The following IL17RD variants were observed in gnomAD, a reference collection of about 807,000 sequenced individuals.
IL17RD encodes interleukin 17 receptor D.
A neutral mutation model predicts 80.5 loss-of-function variants in IL17RD; 52 were observed. The observed-to-expected ratio is 0.65, with a 90% confidence interval of 0.52 to 0.81. IL17RD has a LOEUF of 0.81. IL17RD is among the 40% of genes least tolerant of loss of function. The probability of loss-of-function intolerance (pLI) is 0.00; values close to 1 mark genes in which losing one functional copy is unlikely to be tolerated. For missense variants in IL17RD, 1,024 were observed against 955.1 expected, an observed-to-expected ratio of 1.07 and a Z score of -0.95; for synonymous variants, 416 against 391.8, an observed-to-expected ratio of 1.06 and a Z score of -0.73.
In IL17RD at chr3:57,120,279, T is replaced by C. The variant is rs936157876; in HGVS notation, c.161A>G (p.Tyr54Cys). Reference sequence around the variant, plus strand: ...ACTGTCATATTTGAAGGTGATGTTGTACAGCCCACTGTTTCTGCTGGCTGG... The same window carrying C: ...ACTGTCATATTTGAAGGTGATGTTGCACAGCCCACTGTTTCTGCTGGCTGG... Reference protein sequence around the residue: ...VGPASRNSGLYNITFKYDNCT... With the variant: ...VGPASRNSGLCNITFKYDNCT... Residue 54 changes from tyrosine (Y) to cysteine (C), a missense_variant, in exon 2 of 13, where the codon TAC becomes TGC. Transcript: ENST00000296318. 1.2e-6 allele frequency: 2 copies of C among 1,613,562 alleles called. No homozygotes were observed. Among genetic ancestry groups the C allele is most frequent in the East Asian group, 4.5e-5 (2 of 44,898 alleles).
In IL17RD at chr3:57,155,611, G is replaced by T. The variant is rs147481705; in HGVS notation, c.126+9550C>A. ...TTCAGAGGAAATTTTTTTTTTTTGA[G>T]ACGGAGTCTCGCTGTGTTGCCCAGG... On this transcript the variant is annotated intron_variant, in intron 1 of 12. Transcript: ENST00000296318. 4.6e-4 allele frequency among the ~76,000 whole-genome samples: 70 copies of T among 151,678 alleles called. 1 individual carries two copies. The East Asian group carries it at 0.012, about 27-fold the overall frequency.
chr3:57,127,261 T>TA (rs1348148775), intron 1 of IL17RD, among the ~76,000 whole-genome samples: 3,496 of 86,880 alleles, frequency 0.04, 451 homozygotes, highest in East Asian at 0.21. Context: ...TAAATATATA[T>TA]AAATATATAT....
chr3:57,143,638 T>C (rs1056114176), intron 1 of IL17RD, among the ~76,000 whole-genome samples: 11 of 152,184 alleles, frequency 7.2e-5, no homozygotes, highest in African/African-American at 2.7e-4. Context: ...TAAACCACTT[T>C]AATGCAAAGC....
At chr3:57,131,152 C>T (rs1707601107) in intron 1 of IL17RD, among the ~76,000 whole-genome samples, 1 of 149,604 alleles carries the variant, frequency 6.7e-6, no homozygotes, top group South Asian at 2.1e-4. Flanking sequence ...CCTCCTACCT[C>T]AGCTGTTCCT....
chr3:57,124,924 C>G (rs1308632980), intron 1 of IL17RD, among the ~76,000 whole-genome samples: 1 of 152,150 alleles, frequency 6.6e-6, no homozygotes, highest in African/African-American at 2.4e-5. Context: ...GAACATGCAC[C>G]CATCAGAGCT....
rs372338652 is a variant in IL17RD, at chr3:57,118,288, G to A, written c.184+1968C>T. On this transcript the variant is annotated intron_variant, in intron 2 of 12. Coordinates refer to ENST00000296318, the MANE Select transcript of IL17RD (RefSeq NM_017563.5). ...CCAATGTGAGCTCCCTGAGTTGCACGTGTAAGTCCTCACTGGTTAGCCTAA... is the reference window on the plus strand; with the variant it reads ...CCAATGTGAGCTCCCTGAGTTGCACATGTAAGTCCTCACTGGTTAGCCTAA... 9.8e-5 allele frequency among the ~76,000 whole-genome samples: 15 copies of A among 152,308 alleles called. No individual in the cohort carries two copies. The East Asian group carries it at 1.9e-3, about 20-fold the overall frequency.
intron 1 of IL17RD, among the ~76,000 whole-genome samples, chr3:57,148,677 G>A (rs186011441): frequency 5.1e-4 from 77 of 152,318 alleles, no homozygotes; most frequent in Admixed American, 7.8e-4. Flanking sequence ...ACAAGCCAAG[G>A]TAAAGGTCAT....
Position 57,097,813 on chromosome 3 carries a change from G to C in IL17RD, c.1890C>G (p.Asp630Glu). 1 of 1,608,386 alleles carries C rather than the reference G, an allele frequency of 6.2e-7. No homozygotes were observed. Among genetic ancestry groups the C allele is most frequent in the Non-Finnish European group, 8.5e-7 (1 of 1,177,428 alleles). Residue 630 changes from aspartate (D) to glutamate (E), a missense_variant, in exon 12 of 13, where the codon GAC (aspartate) becomes GAG (glutamate). Physicochemically the swap from Asp to Glu is conservative, Grantham distance 45 (BLOSUM62 2). Transcript: ENST00000296318. ...HESQHGGLDQ[D>E]GEARPALDGS... The stretch of plus-strand genomic sequence containing the variant: ...CGTCAAGGGCAGGCCGGGCCTCCCC[G>C]TCTTGGTCCAGGCCCCCATGCTGAC...
chr3:57,127,390 A>AT lies in IL17RD; in HGVS notation c.127-7078_127-7077insA, dbSNP rs1491175110. On this transcript the variant is annotated intron_variant, in intron 1 of 12. Coordinates refer to ENST00000296318, the MANE Select transcript of IL17RD (RefSeq NM_017563.5). ...AATATATATATATAAATAAATAAATAAATAAATATATATATATATATATTT... is the reference window on the plus strand; with the variant it reads ...AATATATATATATAAATAAATAAATATAATAAATATATATATATATATATTT... Among the ~76,000 whole-genome samples, 5 of 96,728 alleles carry AT rather than the reference A, an allele frequency of 5.2e-5. No homozygotes were observed. In the East Asian group the frequency reaches 1.4e-3, roughly 28 times the overall value. 63.5% of individuals were successfully genotyped at this position (96,728 alleles called of 152,430 possible).
At chr3:57,104,054 TAAAATCTTA>T (rs1316079908) in intron 8 of IL17RD, among the ~76,000 whole-genome samples, 2 of 152,226 alleles carry the variant, frequency 1.3e-5, no homozygotes, top group Non-Finnish European at 2.9e-5. Flanking sequence ...AAATTTAAGC[TAAAATCTTA>T]AAAATATATC....
intron 1 of IL17RD, chr3:57,134,524 A>C: frequency 1.5e-6 from 2 of 1,341,234 alleles, no homozygotes; most frequent in Non-Finnish European, 2.1e-6. Context: ...GTGAAGGGGA[A>C]TGTGTTCAAA....
chr3:57,140,926 C>T (rs981615460), intron 1 of IL17RD, among the ~76,000 whole-genome samples: 10 of 151,472 alleles, frequency 6.6e-5, no homozygotes, highest in Admixed American at 2.0e-4. Context: ...CAAGGTCTCA[C>T]TCTGTTGCCC....
Position 57,104,403 on chromosome 3 carries a change from T to A in IL17RD, c.752A>T (p.Gln251Leu). The change falls in exon 8 of 13, where the codon CAA (glutamine) becomes CTA (leucine). Residue 251 changes from glutamine to leucine, a missense_variant. Physicochemically the swap from Gln to Leu is moderately radical, Grantham distance 113. Transcript: ENST00000296318. ...PFKRKTCKQE[Q>L]TTETTSCLLQ... Reference sequence around the variant, plus strand: ...GAGGCAGCTGGTCGTCTCTGTAGTTTGCTCCTGCAACAGACCAAAGAACAC... The same window carrying A: ...GAGGCAGCTGGTCGTCTCTGTAGTTAGCTCCTGCAACAGACCAAAGAACAC... The A allele has an allele frequency of 6.2e-7, 1 of 1,605,500 alleles. No individual in the cohort carries two copies. The highest frequency in any genetic ancestry group is 8.5e-7 in the Non-Finnish European group (1 of 1,173,510).
chr3:57,105,552 A>AAAAAAATATATATATATATATAT, intron 7 of IL17RD, among the ~76,000 whole-genome samples: 1 of 63,590 alleles, frequency 1.6e-5, no homozygotes, highest in African/African-American at 9.3e-5. Context: ...AAAAAAAAAA[A>AAAAAAATATATATATATATATAT]ATATATATAT....
intron 1 of IL17RD, among the ~76,000 whole-genome samples, chr3:57,124,916 A>C (rs1285178516): frequency 6.6e-6 from 1 of 152,114 alleles, no homozygotes; most frequent in Admixed American, 6.6e-5. Flanking sequence ...CAGGCATAGA[A>C]CATGCACCCA....
intron 1 of IL17RD, among the ~76,000 whole-genome samples, chr3:57,127,399 T>TAA (rs1559477400): frequency 5.6e-5 from 5 of 89,604 alleles, no homozygotes; most frequent in East Asian, 5.6e-4. Context: ...TAAATAAATA[T>TAA]ATATATATAT....
chr3:57,098,615 A>C (rs954341110), intron 11 of IL17RD, 77 bp from the exon 12 acceptor site: 10 of 970,632 alleles, frequency 1.0e-5, no homozygotes, highest in Non-Finnish European at 1.6e-5. Flanking sequence ...AGGAAGGGAA[A>C]TGTCAGAAGG....
chr3:57,143,855 G>A (rs1026397925), intron 1 of IL17RD, among the ~76,000 whole-genome samples: 6 of 152,188 alleles, frequency 3.9e-5, no homozygotes, highest in Non-Finnish European at 7.3e-5. Context: ...TCAGCTTCAC[G>A]TTTCCAAATT....
intron 5 of IL17RD, among the ~76,000 whole-genome samples, chr3:57,109,042 T>C (rs1707032060): frequency 6.6e-6 from 1 of 152,248 alleles, no homozygotes; most frequent in Non-Finnish European, 1.5e-5. Flanking sequence ...TCCGGTTAGA[T>C]GAGCAGTGTC....
Sources: gnomAD v4.1 joint callset for allele counts (sites outside exome capture counted in the v4.1 genomes callset) on GRCh38, gnomAD v4.1.1 for gene constraint, MANE v1.5 for transcripts, NCBI Gene and HGNC (gene_info 2026-07-23, HGNC 2026-07-21) for gene names.